The following MYO1E variants were observed in gnomAD, a reference collection of about 807,000 sequenced individuals.
MYO1E encodes the protein myosin IE.
MYO1E carries 68 observed loss-of-function variants against 151.1 expected under a neutral mutation model. The observed-to-expected ratio is 0.45, with a 90% CI of 0.37 to 0.55. The LOEUF (loss-of-function observed/expected upper bound fraction) is 0.55, where lower values mean the gene tolerates loss of function less well. Among genes scored for constraint, MYO1E ranks in the 20% least tolerant of loss-of-function variants. MYO1E has a pLI of 0.00. For synonymous variants in MYO1E, 601 were observed against 501.7 expected, an observed-to-expected ratio of 1.20 and a Z score of -2.64; for missense variants, 1,363 against 1,389.3, an observed-to-expected ratio of 0.98 and a Z score of 0.30.
At chr15:59,242,711 C>A (rs1248401957) in intron 4 of MYO1E, among the ~76,000 whole-genome samples, 3 of 152,100 alleles carry the variant, frequency 2.0e-5, no homozygotes, top group African/African-American at 7.2e-5. Flanking sequence ...TATATCCCCA[C>A]AAAATACACA....
intron 1 of MYO1E, among the ~76,000 whole-genome samples, chr15:59,285,299 CG>C: frequency 6.7e-6 from 1 of 148,444 alleles, no homozygotes; most frequent in East Asian, 2.0e-4. Flanking sequence ...AGAAAGATCA[CG>C]TAAGGCCAGG....
chr15:59,247,063 G>A (rs1209962268), intron 4 of MYO1E, among the ~76,000 whole-genome samples: 1 of 152,156 alleles, frequency 6.6e-6, no homozygotes, highest in African/African-American at 2.4e-5. Flanking sequence ...AGGCATGATG[G>A]TGCGCATCTG....
chr15:59,215,839 CAA>C (rs765346038), intron 10 of MYO1E, among the ~76,000 whole-genome samples: 1 of 152,212 alleles, frequency 6.6e-6, no homozygotes, highest in Non-Finnish European at 1.5e-5. Context: ...GTGCTCTGAA[CAA>C]AGAGAAAAGA....
chr15:59,291,682 T>TAAAAAAAAAAAAAAAA (rs1182076268), intron 1 of MYO1E, among the ~76,000 whole-genome samples: 1 of 7,806 alleles, frequency 1.3e-4, no homozygotes, highest in African/African-American at 2.7e-4. Flanking sequence ...CTAAAAATAC[T>TAAAAAAAAAAAAAAAA]AAAAAAAAAA....
intron 1 of MYO1E, among the ~76,000 whole-genome samples, chr15:59,312,395 A>C (rs2080557971): frequency 6.6e-6 from 1 of 152,162 alleles, no homozygotes; most frequent in Non-Finnish European, 1.5e-5. Context: ...GAAGCAGAGG[A>C]CTCAGCCACT....
chr15:59,368,377 G>C (rs1242747960), intron 1 of MYO1E, among the ~76,000 whole-genome samples: 1 of 152,114 alleles, frequency 6.6e-6, no homozygotes, highest in Non-Finnish European at 1.5e-5. Flanking sequence ...TTGGGAGGCC[G>C]AGGCAGGAGG....
chr15:59,200,039 C>T (rs2079791485), intron 16 of MYO1E, among the ~76,000 whole-genome samples: 1 of 152,114 alleles, frequency 6.6e-6, no homozygotes, highest in African/African-American at 2.4e-5. Flanking sequence ...TAGACAAGGG[C>T]CTGAGACTTG....
intron 26 of MYO1E, among the ~76,000 whole-genome samples, chr15:59,138,825 C>T (rs936063104): frequency 2.6e-5 from 4 of 152,122 alleles, no homozygotes; most frequent in Admixed American, 2.0e-4. Context: ...TTCTCTGGCT[C>T]ATCTCTACAG....
At chr15:59,206,454 A>C (rs1250353659) in intron 14 of MYO1E, among the ~76,000 whole-genome samples, 1 of 152,296 alleles carries the variant, frequency 6.6e-6, no homozygotes, top group African/African-American at 2.4e-5. Context: ...CTCCAGCGCC[A>C]TAGACCAGAA....
At chr15:59,286,144 G>A (rs945206978) in intron 1 of MYO1E, among the ~76,000 whole-genome samples, 5 of 152,182 alleles carry the variant, frequency 3.3e-5, no homozygotes, top group African/African-American at 1.2e-4. Context: ...CTGAGAAAAA[G>A]AACAGTATGC....
chr15:59,227,559 C>A lies in MYO1E; in HGVS notation c.542G>T (p.Gly181Val). The A allele has an allele frequency of 1.1e-5, 18 of 1,614,198 alleles. No individual in the cohort carries two copies. Among genetic ancestry groups the A allele is most frequent in the Non-Finnish European group, 1.4e-5 (17 of 1,180,036 alleles). ...GKYFEIQFSP[G>V]GEPDGGKISN... Reference sequence around the variant, plus strand: ...GATCTTTCCACCATCTGGTTCCCCACCTGGACTGAACTGGATTTCAAAGTA... The same window carrying A: ...GATCTTTCCACCATCTGGTTCCCCAACTGGACTGAACTGGATTTCAAAGTA... The change falls in exon 7 of 28, where the codon GGT becomes GTT. Residue 181 changes from glycine to valine, a missense_variant. Transcript: ENST00000288235.
chr15:59,318,179 G>A (rs967689038), intron 1 of MYO1E, among the ~76,000 whole-genome samples: 2 of 152,160 alleles, frequency 1.3e-5, no homozygotes, highest in African/African-American at 2.4e-5. Flanking sequence ...GGCATTTAAT[G>A]AATGCCTCTG....
chr15:59,223,173 C>G lies in MYO1E; in HGVS notation c.796G>C (p.Gly266Arg). The G allele has an allele frequency of 6.2e-7, 1 of 1,614,186 alleles. No homozygotes were observed. The highest frequency in any genetic ancestry group is 1.1e-5 in the South Asian group (1 of 91,086). Reference sequence around the variant, plus strand: ...AGCGTTTGCTCTTCTGCAAAGATCCCAATCACATTCATGGCGTGCTGGAAG... The same window carrying G: ...AGCGTTTGCTCTTCTGCAAAGATCCGAATCACATTCATGGCGTGCTGGAAG... ...QETLHAMNVI[G>R]IFAEEQTLVL... Residue 266 changes from glycine to arginine, a missense_variant, in exon 9 of 28, where the codon GGG becomes CGG. Coordinates refer to ENST00000288235, the MANE Select transcript of MYO1E (RefSeq NM_004998.4).
intron 1 of MYO1E, among the ~76,000 whole-genome samples, chr15:59,325,641 T>A (rs1305685553): frequency 6.6e-6 from 1 of 152,242 alleles, no homozygotes; most frequent in African/African-American, 2.4e-5. Context: ...CTAAGATTTT[T>A]AAAAATTAAT....
chr15:59,279,559 C>T (rs2080341051), intron 1 of MYO1E, among the ~76,000 whole-genome samples: 1 of 152,166 alleles, frequency 6.6e-6, no homozygotes, highest in Admixed American at 6.5e-5. Context: ...CAGTCAACCT[C>T]TTGGAGCCTG....
chr15:59,213,492 G>T (rs1446433359), intron 12 of MYO1E, among the ~76,000 whole-genome samples: 1 of 150,640 alleles, frequency 6.6e-6, no homozygotes, highest in East Asian at 2.0e-4. Context: ...TTGAGATAGA[G>T]TCTTGCTCTG....
chr15:59,149,031 A>C (rs1246527566), intron 26 of MYO1E, among the ~76,000 whole-genome samples: 1 of 144,522 alleles, frequency 6.9e-6, no homozygotes, highest in Non-Finnish European at 1.5e-5. Flanking sequence ...AGGTGGGTGG[A>C]TGAACTGTTT....
intron 18 of MYO1E, among the ~76,000 whole-genome samples, chr15:59,181,560 G>A (rs981345937): frequency 2.6e-5 from 4 of 152,204 alleles, no homozygotes; most frequent in Admixed American, 6.5e-5. Context: ...AAGAGCATGG[G>A]GCCCACCCAT....
chr15:59,254,835 T>C (rs2080184983), intron 4 of MYO1E, among the ~76,000 whole-genome samples: 1 of 152,272 alleles, frequency 6.6e-6, no homozygotes, highest in South Asian at 2.1e-4. Context: ...CAGAGCTTTT[T>C]TTTTTCTTGA....
Sources: gnomAD v4.1 joint callset for allele counts (sites outside exome capture counted in the v4.1 genomes callset) on GRCh38, gnomAD v4.1.1 for gene constraint, MANE v1.5 for transcripts, NCBI Gene and HGNC (gene_info 2026-07-23, HGNC 2026-07-21) for gene names.